Variants in TRAPPC9 observed in about 807,000 individuals in gnomAD.
The protein encoded by TRAPPC9 is trafficking protein particle complex subunit 9, also known as IKK2 binding protein.
A neutral mutation model predicts 124.0 loss-of-function variants in TRAPPC9; 83 were observed. That is an observed-to-expected ratio of 0.67 (90% CI 0.56 to 0.80). TRAPPC9 has a LOEUF of 0.80. Among genes scored for constraint, TRAPPC9 ranks in the 30% least tolerant of loss-of-function variants. The pLI is 0.00. For missense variants in TRAPPC9, 1,302 were observed against 1,508.3 expected, an observed-to-expected ratio of 0.86 and a Z score of 2.27; for synonymous variants, 638 against 617.5, an observed-to-expected ratio of 1.03 and a Z score of -0.49.
intron 18 of TRAPPC9, among the ~76,000 whole-genome samples, chr8:140,001,674 C>G (rs1838412970): frequency 6.6e-6 from 1 of 152,138 alleles, no homozygotes; most frequent in Admixed American, 6.5e-5. Flanking sequence ...ATACTACAAA[C>G]AACTCTCCTC....
intron 17 of TRAPPC9, among the ~76,000 whole-genome samples, chr8:140,184,967 C>A (rs4236868): frequency 6.6e-6 from 1 of 151,976 alleles, no homozygotes; most frequent in South Asian, 2.1e-4. Context: ...AAGCAATAAA[C>A]AAAAATAAAA....
chr8:140,012,398 G>C (rs1839197715), intron 18 of TRAPPC9, among the ~76,000 whole-genome samples: 2 of 152,196 alleles, frequency 1.3e-5, no homozygotes, highest in African/African-American at 4.8e-5. Flanking sequence ...ACACAGAAAA[G>C]ACACTGCCTG....
At chr8:139,940,568 T>C (rs1833847462) in intron 19 of TRAPPC9, among the ~76,000 whole-genome samples, 1 of 152,148 alleles carries the variant, frequency 6.6e-6, no homozygotes, top group Non-Finnish European at 1.5e-5. Context: ...AGCCCCAGAC[T>C]CAGCAGAGTC....
intron 20 of TRAPPC9, among the ~76,000 whole-genome samples, chr8:139,889,549 G>C (rs1022318490): frequency 2.0e-5 from 3 of 152,218 alleles, no homozygotes; most frequent in African/African-American, 7.2e-5. Context: ...AGGTGAAAAA[G>C]TTCGGGAAGC....
At chr8:140,259,928 G>A (rs571264414) in intron 15 of TRAPPC9, among the ~76,000 whole-genome samples, 12 of 152,254 alleles carry the variant, frequency 7.9e-5, no homozygotes, top group South Asian at 2.1e-4. Flanking sequence ...TGAAAAAAGC[G>A]GAATACCACA....
intron 21 of TRAPPC9, among the ~76,000 whole-genome samples, chr8:139,818,650 G>T (rs1825033072): frequency 6.6e-6 from 1 of 152,126 alleles, no homozygotes; most frequent in South Asian, 2.1e-4. Flanking sequence ...TGGCTATTGT[G>T]GGGGTAACCT....
At chr8:140,210,819 T>C (rs937151554) in intron 17 of TRAPPC9, among the ~76,000 whole-genome samples, 1 of 152,208 alleles carries the variant, frequency 6.6e-6, no homozygotes, top group East Asian at 1.9e-4. Flanking sequence ...TATGCAAGCC[T>C]GTGGCCATGC....
At chr8:139,877,541 C>A (rs771478823) in intron 21 of TRAPPC9, among the ~76,000 whole-genome samples, 1 of 152,204 alleles carries the variant, frequency 6.6e-6, no homozygotes, top group Non-Finnish European at 1.5e-5. Context: ...GCTCCTGGCC[C>A]AGCCCTGCCC....
At chr8:140,222,738 C>G (rs2063363244) in intron 16 of TRAPPC9, among the ~76,000 whole-genome samples, 2 of 152,240 alleles carry the variant, frequency 1.3e-5, no homozygotes, top group African/African-American at 4.8e-5. Context: ...GAGGAGTTAT[C>G]TTCAAGTAGC....
intron 17 of TRAPPC9, chr8:140,096,628 T>C (rs1290823686): frequency 6.6e-6 from 1 of 152,236 alleles, no homozygotes; most frequent in East Asian, 1.9e-4. Context: ...CTTAAGCAAC[T>C]GGAAGGAAAA....
At chr8:139,823,347 G>A (rs182210539) in intron 21 of TRAPPC9, among the ~76,000 whole-genome samples, 20 of 152,128 alleles carry the variant, frequency 1.3e-4, no homozygotes, top group African/African-American at 4.6e-4. Context: ...TTGACATCCA[G>A]GCTAAGGGGC....
intron 4 of TRAPPC9, 114 bp from the exon 5 acceptor site, chr8:140,426,755 T>A: frequency 9.4e-7 from 1 of 1,066,256 alleles, no homozygotes; most frequent in Non-Finnish European, 1.4e-6. Flanking sequence ...CTGACTTGTA[T>A]CTGATCAGAA....
At chr8:139,760,608 C>T (rs909426649) in intron 21 of TRAPPC9, among the ~76,000 whole-genome samples, 2 of 152,220 alleles carry the variant, frequency 1.3e-5, no homozygotes, top group South Asian at 2.1e-4. Context: ...CCAGACTCCA[C>T]GTCTGATCAC....
At chr8:139,844,632 G>A (rs1378288009) in intron 21 of TRAPPC9, among the ~76,000 whole-genome samples, 1 of 152,242 alleles carries the variant, frequency 6.6e-6, no homozygotes, top group Non-Finnish European at 1.5e-5. Flanking sequence ...AAAGGTGGAA[G>A]AGAGGCAGGT....
At chr8:139,837,342 G>A (rs915487468) in intron 21 of TRAPPC9, among the ~76,000 whole-genome samples, 3 of 152,076 alleles carry the variant, frequency 2.0e-5, no homozygotes, top group East Asian at 1.9e-4. Context: ...AGGGTCTTCC[G>A]GCTCCCACCT....
At chr8:139,967,751 T>G (rs1197342237) in intron 19 of TRAPPC9, among the ~76,000 whole-genome samples, 1 of 152,246 alleles carries the variant, frequency 6.6e-6, no homozygotes, top group African/African-American at 2.4e-5. Flanking sequence ...CCCAGCATTT[T>G]TCCTTTGTCT....
At position 140,370,910 on chromosome 8, in the gene TRAPPC9, T is replaced by C. The variant is rs143799094; in HGVS notation, c.1351+54A>G. 1.4e-4 allele frequency: 219 copies of C among 1,597,708 alleles called. 1 individual carries two copies. In the South Asian group the frequency reaches 1.4e-3, roughly 10 times the overall value. The stretch of plus-strand genomic sequence containing the variant: ...ACTCAGGGCAGGGGCTGAAACAGCA[T>C]GTGACCATCAGACAGAAAGCAACAC... On this transcript the variant is annotated intron_variant, in intron 8 of 22. Coordinates refer to ENST00000438773, the MANE Select transcript of TRAPPC9 (RefSeq NM_001160372.4).
intron 21 of TRAPPC9, among the ~76,000 whole-genome samples, chr8:139,780,666 G>A (rs1196214167): frequency 1.3e-5 from 2 of 152,026 alleles, no homozygotes; most frequent in East Asian, 3.9e-4. Flanking sequence ...GTGAAAGAAA[G>A]AACTGGTAAG....
At chr8:140,156,742 C>T (rs551062429) in intron 17 of TRAPPC9, among the ~76,000 whole-genome samples, 28 of 152,222 alleles carry the variant, frequency 1.8e-4, no homozygotes, top group African/African-American at 6.3e-4. Flanking sequence ...AAAAGAGTAC[C>T]GCCACTGATA....
Sources: allele counts gnomAD v4.1 joint callset (sites outside exome capture counted in the v4.1 genomes callset), GRCh38; gene constraint gnomAD v4.1.1; transcripts MANE v1.5; gene names NCBI Gene and HGNC (gene_info 2026-07-23, HGNC 2026-07-21).